CDC37L1: variants seen among roughly 807,000 people sequenced by gnomAD.
CDC37L1 encodes the protein hsp90 co-chaperone Cdc37-like 1.
CDC37L1 carries 32 observed loss-of-function variants against 45.9 expected under a neutral mutation model. The observed-to-expected ratio is 0.70, with a 90% CI of 0.53 to 0.94. The LOEUF is 0.94. Among genes scored for constraint, CDC37L1 ranks in the 40% least tolerant of loss-of-function variants. CDC37L1 has a pLI of 0.00. For synonymous variants in CDC37L1, 150 were observed against 133.0 expected, an observed-to-expected ratio of 1.13 and a Z score of -0.88; for missense variants, 434 against 405.7, an observed-to-expected ratio of 1.07 and a Z score of -0.60.
At chr9:4,693,994 C>T (rs189781483) in intron 3 of CDC37L1, among the ~76,000 whole-genome samples, 13 of 152,318 alleles carry the variant, frequency 8.5e-5, no homozygotes, top group Middle Eastern at 6.8e-3. Context: ...AATTGTTACT[C>T]TCCATTTGTA....
At chr9:4,705,887 C>T in intron 6 of CDC37L1, 124 bp from the exon 7 acceptor site, 2 of 422,662 alleles carry the variant, frequency 4.7e-6, no homozygotes, top group South Asian at 8.9e-5. Flanking sequence ...ATCTTCTTTC[C>T]TACTGCTCTA....
In CDC37L1 at chr9:4,679,758, G is replaced by T. The variant is rs1473337779; in HGVS notation, c.-10G>T. 2 of 1,608,416 alleles carry T rather than the reference G, an allele frequency of 1.2e-6. No homozygotes were observed. The highest frequency in any genetic ancestry group is 1.7e-5 in the Admixed American group (1 of 59,556). On this transcript the variant is annotated 5_prime_UTR_variant, in exon 1 of 7. Coordinates refer to ENST00000381854, the MANE Select transcript of CDC37L1 (RefSeq NM_017913.4). ...GCCAAGGGCGGTTGTAGGACCCGGA[G>T]CAGCCGGACATGGAACAACCGTGGC...
chr9:4,703,427 C>G lies in CDC37L1; in HGVS notation c.912+1399C>G, dbSNP rs76687376. On this transcript the variant is annotated intron_variant, in intron 6 of 6. Coordinates refer to ENST00000381854, the MANE Select transcript of CDC37L1 (RefSeq NM_017913.4). ...ATTTTTAAATAATTAGTAATGTTCC[C>G]CCTTAGTTAGACATGTAAAGAATAT... Among the ~76,000 whole-genome samples the G allele has an allele frequency of 2.0e-5, 3 of 151,226 alleles. No homozygotes were observed. In the South Asian group the frequency reaches 6.3e-4, roughly 32 times the overall value.
At chr9:4,685,209 T>C in intron 2 of CDC37L1, 51 bp downstream of exon 2, 1 of 1,390,524 alleles carries the variant, frequency 7.2e-7, no homozygotes, top group Non-Finnish European at 1.0e-6. Context: ...GAAGTGTTTG[T>C]ACAAACCAGT....
At position 4,688,048 on chromosome 9, in the gene CDC37L1, A is replaced by C. The variant is rs145783624; in HGVS notation, c.415-465A>C. 3.6e-3 allele frequency among the ~76,000 whole-genome samples: 545 copies of C among 152,310 alleles called. 2 individuals carry two copies. In the East Asian group the frequency reaches 0.039, roughly 11 times the overall value. On this transcript the variant is annotated intron_variant, in intron 2 of 6. Coordinates refer to ENST00000381854, the MANE Select transcript of CDC37L1 (RefSeq NM_017913.4). ...AGTCTTGTTCTGTCGCCTGGGCTGG[A>C]GTGCAGTGGCATGATCTCAGCTCAC...
At chr9:4,694,268 C>G (rs994686649) in intron 3 of CDC37L1, among the ~76,000 whole-genome samples, 1 of 152,118 alleles carries the variant, frequency 6.6e-6, no homozygotes, top group African/African-American at 2.4e-5. Context: ...TGTGTGGAGA[C>G]ACGGTCTCAT....
chr9:4,690,685 T>G (rs2130847325), intron 3 of CDC37L1, among the ~76,000 whole-genome samples: 1 of 152,356 alleles, frequency 6.6e-6, no homozygotes, highest in Non-Finnish European at 1.5e-5. Context: ...TTGTAATAAA[T>G]ATCAGAGCCT....
chr9:4,683,358 A>G (rs552565570), intron 1 of CDC37L1, among the ~76,000 whole-genome samples: 1 of 152,094 alleles, frequency 6.6e-6, no homozygotes, highest in African/African-American at 2.4e-5. Context: ...TAAGCATGAT[A>G]TTGTATGACA....
rs551396341 is a variant in CDC37L1, at chr9:4,705,868, C to T, written c.913-143C>T. 1.5e-5 allele frequency: 6 copies of T among 413,080 alleles called. No individual in the cohort carries two copies. In the East Asian group the frequency reaches 1.7e-4, roughly 12 times the overall value. 25.6% of individuals were successfully genotyped at this position (413,080 alleles called of 1,614,324 possible). ...CTTGGGATTCAGCCCAAGTCTGTCTCCAAAGTCCATCTTCTTTCCTACTGC... is the reference window on the plus strand; with the variant it reads ...CTTGGGATTCAGCCCAAGTCTGTCTTCAAAGTCCATCTTCTTTCCTACTGC... On this transcript the variant is annotated intron_variant, in intron 6 of 6. Coordinates refer to ENST00000381854, the MANE Select transcript of CDC37L1 (RefSeq NM_017913.4).
chr9:4,680,468 T>C (rs1012683990), intron 1 of CDC37L1, among the ~76,000 whole-genome samples: 4 of 152,224 alleles, frequency 2.6e-5, no homozygotes, highest in Admixed American at 6.5e-5. Flanking sequence ...CCTTACTGTT[T>C]TGTTTTTTAG....
Position 4,706,170 on chromosome 9 carries a change from C to T in CDC37L1, c.*58C>T, listed in dbSNP as rs1841439972. Reference sequence around the variant, plus strand: ...TTGTTACAAGAAAGGAAGAACTTGGCTATTTTCTTGACACTTTTATGGGTG... The same window carrying T: ...TTGTTACAAGAAAGGAAGAACTTGGTTATTTTCTTGACACTTTTATGGGTG... On this transcript the variant is annotated 3_prime_UTR_variant, in exon 7 of 7. Transcript: ENST00000381854. 2 of 877,238 alleles carry T rather than the reference C, an allele frequency of 2.3e-6. No individual in the cohort carries two copies. The highest frequency in any genetic ancestry group is 1.8e-5 in the Admixed American group (1 of 54,984). The allele number at this position is 877,238 out of a possible 1,614,324, so 54.3% of individuals were successfully genotyped here.
chr9:4,681,442 C>T (rs1471659225), intron 1 of CDC37L1, among the ~76,000 whole-genome samples: 8 of 152,110 alleles, frequency 5.3e-5, no homozygotes, highest in East Asian at 1.9e-4. Context: ...CACCAGAGTT[C>T]GAGACCAGCC....
At chr9:4,694,313 CAGGTGATT>C (rs1841327224) in intron 3 of CDC37L1, among the ~76,000 whole-genome samples, 1 of 152,144 alleles carries the variant, frequency 6.6e-6, no homozygotes, top group Non-Finnish European at 1.5e-5. Context: ...CTCCTGTGCT[CAGGTGATT>C]CTCCTGCCTT....
chr9:4,703,068 G>T, intron 6 of CDC37L1: 1 of 1,541,658 alleles, frequency 6.5e-7, no homozygotes, highest in Non-Finnish European at 8.8e-7. Flanking sequence ...ATAGAGCCCA[G>T]TCATCTCTCA....
intron 4 of CDC37L1, 32 bp from the exon 5 acceptor site, chr9:4,697,725 T>C (rs1841361204): frequency 2.8e-6 from 3 of 1,069,430 alleles, no homozygotes; most frequent in Non-Finnish European, 4.1e-6. Flanking sequence ...TATTTATATA[T>C]TTGTTTCTTA....
chr9:4,695,434 G>A (rs1841338810), intron 3 of CDC37L1, among the ~76,000 whole-genome samples: 1 of 152,088 alleles, frequency 6.6e-6, no homozygotes, highest in African/African-American at 2.4e-5. Flanking sequence ...CCAAAGCGTT[G>A]GGGAAATAAC....
At chr9:4,685,654 A>G (rs763227686) in intron 2 of CDC37L1, among the ~76,000 whole-genome samples, 1 of 152,192 alleles carries the variant, frequency 6.6e-6, no homozygotes, top group Non-Finnish European at 1.5e-5. Flanking sequence ...TTGAGAGATA[A>G]GATAAAGAGA....
At chr9:4,690,522 A>G (rs1841290723) in intron 3 of CDC37L1, among the ~76,000 whole-genome samples, 1 of 152,250 alleles carries the variant, frequency 6.6e-6, no homozygotes, top group Admixed American at 6.5e-5. Flanking sequence ...GAATCTATGC[A>G]TAATCACAAA....
intron 5 of CDC37L1, 23 bp from the exon 6 acceptor site, chr9:4,701,841 G>GTTT: frequency 3.0e-6 from 4 of 1,341,438 alleles, no homozygotes; most frequent in Admixed American, 4.4e-5. Flanking sequence ...CACAGTCTTT[G>GTTT]TTTTTTTTTT....
Sources: allele counts gnomAD v4.1 joint callset (sites outside exome capture counted in the v4.1 genomes callset), GRCh38; gene constraint gnomAD v4.1.1; transcripts MANE v1.5; gene names NCBI Gene and HGNC (gene_info 2026-07-23, HGNC 2026-07-21).